The following SLC4A4 variants were observed in gnomAD, a reference collection of about 807,000 sequenced individuals.
The protein encoded by SLC4A4 is solute carrier family 4 member 4.
A neutral mutation model predicts 111.5 loss-of-function variants in SLC4A4; 27 were observed. The ratio of observed to expected loss-of-function variants is 0.24; its 90% CI spans 0.18 to 0.33. The LOEUF is 0.33. Ranked by LOEUF, SLC4A4 falls within the 10% of genes least tolerant of loss-of-function variation. The pLI, the probability that SLC4A4 is intolerant of heterozygous loss-of-function variation, is 1.00. For synonymous variants in SLC4A4, 443 were observed against 463.4 expected (o/e 0.96, Z 0.57); for missense variants, 909 against 1,315.5 (o/e 0.69, Z 4.78).
chr4:71,289,938 T>C (rs1292196046), intron 3 of SLC4A4, among the ~76,000 whole-genome samples: 1 of 152,172 alleles, frequency 6.6e-6, no homozygotes, highest in Non-Finnish European at 1.5e-5. Flanking sequence ...AAATGACAGA[T>C]ACTGGTAATT....
chr4:71,289,471 A>G (rs528237497), intron 3 of SLC4A4, among the ~76,000 whole-genome samples: 1 of 152,356 alleles, frequency 6.6e-6, no homozygotes, highest in African/African-American at 2.4e-5. Flanking sequence ...CTAAAATGTT[A>G]TTATGCAAGA....
intron 13 of SLC4A4, among the ~76,000 whole-genome samples, chr4:71,469,530 T>A (rs908394516): frequency 6.6e-6 from 1 of 151,994 alleles, no homozygotes; most frequent in Non-Finnish European, 1.5e-5. Context: ...ACCATAATGA[T>A]ATGAATCTAT....
At chr4:71,125,853 C>T (rs1256454169) in intron 2 of SLC4A4, among the ~76,000 whole-genome samples, 1 of 152,106 alleles carries the variant, frequency 6.6e-6, no homozygotes, top group East Asian at 1.9e-4. Flanking sequence ...ATCAGATGAA[C>T]ATCTATTTAG....
intron 6 of SLC4A4, among the ~76,000 whole-genome samples, chr4:71,362,735 A>AG (rs1218646581): frequency 6.1e-5 from 9 of 148,630 alleles, no homozygotes; most frequent in East Asian, 3.9e-4. Flanking sequence ...AATGGGTGTC[A>AG]GGGGGGGTCC....
At position 71,385,203 on chromosome 4, in the gene SLC4A4, T is replaced by A. The variant is rs929145926; in HGVS notation, c.731-12374T>A. The stretch of plus-strand genomic sequence containing the variant: ...TATATATATATATATTTTTTTTTTT[T>A]TTTTTTTTTTTTGAGACAGAGTTTC... On this transcript the variant is annotated intron_variant, in intron 6 of 25. Coordinates refer to ENST00000264485, the MANE Select transcript of SLC4A4 (RefSeq NM_001098484.3). Among the ~76,000 whole-genome samples, 9 of 103,366 alleles carry A rather than the reference T, an allele frequency of 8.7e-5. No individual in the cohort carries two copies. The South Asian group carries it at 1.7e-3, about 19-fold the overall frequency. The allele number at this position is 103,366 out of a possible 152,430, so 67.8% of individuals were successfully genotyped here. A position where few individuals can be genotyped will look rare whatever the true frequency, so the allele number is the denominator to read the frequency against.
chr4:71,561,603 A>C (rs900544742), intron 23 of SLC4A4, among the ~76,000 whole-genome samples: 1 of 151,824 alleles, frequency 6.6e-6, no homozygotes, highest in Admixed American at 6.6e-5. Flanking sequence ...CTAAAGAGAA[A>C]AAGAGGTGAA....
At chr4:71,205,698 C>T (rs898661956) in intron 1 of SLC4A4, among the ~76,000 whole-genome samples, 2 of 152,108 alleles carry the variant, frequency 1.3e-5, no homozygotes, top group Admixed American at 6.5e-5. Context: ...CTATTGACTC[C>T]TCCAAAATTT....
At chr4:71,367,899 C>T (rs916731562) in intron 6 of SLC4A4, among the ~76,000 whole-genome samples, 3 of 152,160 alleles carry the variant, frequency 2.0e-5, no homozygotes, top group African/African-American at 7.2e-5. Flanking sequence ...CACTTTAAAC[C>T]TTGACCTCCC....
intron 5 of SLC4A4, among the ~76,000 whole-genome samples, chr4:71,350,438 C>T (rs1017468035): frequency 4.0e-5 from 6 of 151,698 alleles, no homozygotes; most frequent in African/African-American, 7.3e-5. Flanking sequence ...AGTGCAGTGG[C>T]GCGATCTCAG....
chr4:71,553,351 A>G (rs1016264306), intron 20 of SLC4A4, among the ~76,000 whole-genome samples: 3 of 151,894 alleles, frequency 2.0e-5, no homozygotes, highest in Non-Finnish European at 2.9e-5. Flanking sequence ...CTAAGCACCA[A>G]GGCAAAAGTG....
chr4:71,350,133 A>G (rs1344774991), intron 5 of SLC4A4, 61 bp downstream of exon 5: 1 of 1,521,330 alleles, frequency 6.6e-7, no homozygotes, highest in Non-Finnish European at 9.1e-7. Flanking sequence ...ACATGTCTCC[A>G]TCAAGGCAGA....
chr4:71,221,700 G>T (rs560051860), intron 1 of SLC4A4, among the ~76,000 whole-genome samples: 3 of 152,204 alleles, frequency 2.0e-5, no homozygotes, highest in Non-Finnish European at 4.4e-5. Context: ...CTTGAGTCAT[G>T]AACTTTGGAG....
At chr4:71,100,772 C>A (rs183466053) in intron 2 of SLC4A4, among the ~76,000 whole-genome samples, 1 of 152,118 alleles carries the variant, frequency 6.6e-6, no homozygotes, top group African/African-American at 2.4e-5. Context: ...AATCAATGTA[C>A]AAAAATCACC....
chr4:71,119,958 C>A (rs1041923618), intron 2 of SLC4A4, among the ~76,000 whole-genome samples: 3 of 151,056 alleles, frequency 2.0e-5, no homozygotes, highest in African/African-American at 4.9e-5. Context: ...GAAGTTGTTT[C>A]TTTCAAATTT....
chr4:71,457,184 T>C (rs532943113), intron 12 of SLC4A4, among the ~76,000 whole-genome samples: 1 of 152,310 alleles, frequency 6.6e-6, no homozygotes, highest in East Asian at 1.9e-4. Flanking sequence ...TGTTAGAGCA[T>C]ATATATACAC....
intron 15 of SLC4A4, among the ~76,000 whole-genome samples, chr4:71,496,463 T>C (rs531455922): frequency 6.6e-6 from 1 of 152,056 alleles, no homozygotes; most frequent in African/African-American, 2.4e-5. Context: ...AAATTGTGCG[T>C]AGAGTTGCTC....
intron 3 of SLC4A4, among the ~76,000 whole-genome samples, chr4:71,330,816 A>C (rs1450378841): frequency 1.3e-5 from 2 of 152,082 alleles, no homozygotes; most frequent in Non-Finnish European, 2.9e-5. Flanking sequence ...AATGGGAGAA[A>C]ATTTTTGCAA....
At chr4:71,492,815 C>G (rs987336366) in intron 15 of SLC4A4, among the ~76,000 whole-genome samples, 3 of 151,932 alleles carry the variant, frequency 2.0e-5, no homozygotes, top group Non-Finnish European at 4.4e-5. Flanking sequence ...AAACCAGTCC[C>G]TCTTTTAGGG....
chr4:71,489,027 G>T (rs1729668393), intron 15 of SLC4A4, among the ~76,000 whole-genome samples: 1 of 132,078 alleles, frequency 7.6e-6, no homozygotes, highest in South Asian at 2.5e-4. Flanking sequence ...ATACAATATA[G>T]GTAAATGACT....
Sources: allele counts gnomAD v4.1 joint callset (sites outside exome capture counted in the v4.1 genomes callset), GRCh38; gene constraint gnomAD v4.1.1; transcripts MANE v1.5; gene names NCBI Gene and HGNC (gene_info 2026-07-23, HGNC 2026-07-21).